The following OGDH variants were observed in gnomAD, a reference collection of about 807,000 sequenced individuals.
The protein encoded by OGDH is 2-oxoglutarate dehydrogenase complex component E1.
A neutral mutation model predicts 116.6 loss-of-function variants in OGDH; 38 were observed. The observed-to-expected ratio is 0.33, with a 90% CI of 0.25 to 0.43. The LOEUF is 0.43. Ranked by LOEUF, OGDH falls within the 20% of genes least tolerant of loss-of-function variation. The pLI is 1.00. For synonymous variants in OGDH, 488 were observed against 533.3 expected, an observed-to-expected ratio of 0.92 and a Z score of 1.17; for missense variants, 825 against 1,357.2, an observed-to-expected ratio of 0.61 and a Z score of 6.16.
chr7:44,623,341 G>C (rs1179165576), intron 1 of OGDH, among the ~76,000 whole-genome samples: 1 of 152,132 alleles, frequency 6.6e-6, no homozygotes, highest in Non-Finnish European at 1.5e-5. Flanking sequence ...CACCTCTCAA[G>C]TACTCATATT....
chr7:44,680,612 A>G (rs1418992165), intron 9 of OGDH, among the ~76,000 whole-genome samples: 1 of 152,166 alleles, frequency 6.6e-6, no homozygotes, highest in Non-Finnish European at 1.5e-5. Flanking sequence ...ATATGCACAC[A>G]TGTATTTTTT....
chr7:44,609,316 A>T (rs546886575), intron 1 of OGDH, among the ~76,000 whole-genome samples: 1 of 147,358 alleles, frequency 6.8e-6, no homozygotes, highest in Non-Finnish European at 1.5e-5. Context: ...GAGTCTGAGG[A>T]ACATAGTGAG....
chr7:44,674,741 G>A (rs1191090762), intron 7 of OGDH, 184 bp downstream of exon 7: 7 of 654,726 alleles, frequency 1.1e-5, no homozygotes, highest in Non-Finnish European at 1.8e-5. Context: ...GCCTCTGGAG[G>A]ACTGCAAAGT....
intron 10 of OGDH, among the ~76,000 whole-genome samples, chr7:44,689,392 C>CTTTTTTTTTT (rs561058807): frequency 2.5e-4 from 18 of 71,266 alleles, no homozygotes; most frequent in Non-Finnish European, 3.8e-4. Context: ...ATTTTTTTTT[C>CTTTTTTTTTT]TTTTTTTTTT....
At chr7:44,612,865 T>A (rs368594985) in intron 1 of OGDH, among the ~76,000 whole-genome samples, 1 of 147,368 alleles carries the variant, frequency 6.8e-6, no homozygotes, top group Non-Finnish European at 1.5e-5. Flanking sequence ...CTGGCTGTTT[T>A]TTTTCTTTTC....
intron 2 of OGDH, among the ~76,000 whole-genome samples, chr7:44,635,716 T>C (rs1417791584): frequency 6.6e-6 from 1 of 152,044 alleles, no homozygotes; most frequent in African/African-American, 2.4e-5. Flanking sequence ...AATTTTTTTT[T>C]TTTTTTCGAG....
At chr7:44,638,342 C>T (rs1785768336) in intron 2 of OGDH, among the ~76,000 whole-genome samples, 1 of 152,210 alleles carries the variant, frequency 6.6e-6, no homozygotes, top group African/African-American at 2.4e-5. Flanking sequence ...AAATACCACA[C>T]TTACTTCATA....
At chr7:44,672,679 A>G (rs368275824) in intron 5 of OGDH, among the ~76,000 whole-genome samples, 10 of 134,306 alleles carry the variant, frequency 7.4e-5, no homozygotes, top group South Asian at 4.6e-4. Context: ...GTCTCACTCT[A>G]TCGCCCAGGC....
chr7:44,666,903 G>A, intron 5 of OGDH, 52 bp downstream of exon 5: 1 of 1,114,626 alleles, frequency 9.0e-7, no homozygotes, highest in Non-Finnish European at 1.3e-6. Context: ...ACTTGTATTG[G>A]CAGGATGGCT....
chr7:44,700,956 G>A (rs938447792), intron 19 of OGDH, among the ~76,000 whole-genome samples: 2 of 152,304 alleles, frequency 1.3e-5, no homozygotes, highest in South Asian at 2.1e-4. Context: ...CCCGGGAGGC[G>A]GAGCTGGCAG....
chr7:44,631,375 A>G (rs903016828), intron 2 of OGDH, among the ~76,000 whole-genome samples: 2 of 152,152 alleles, frequency 1.3e-5, no homozygotes, highest in African/African-American at 4.8e-5. Flanking sequence ...TTGGGTTTCT[A>G]GTGTACCCAT....
rs1207538022 is a variant in OGDH at position 44,666,651 on chromosome 7, C to T, written c.518-85C>T. On this transcript the variant is annotated intron_variant, in intron 4 of 22. Transcript: ENST00000222673. ...CTCTTTTTGCTCACCTGGGGAGTTC[C>T]TTCCCCTTTCCATAAACTGTGGTCC... The T allele has an allele frequency of 1.1e-5, 7 of 609,494 alleles. No individual in the cohort carries two copies. The Admixed American group carries it at 1.6e-4, about 14-fold the overall frequency. 37.8% of individuals were successfully genotyped at this position (609,494 alleles called of 1,614,324 possible).
intron 1 of OGDH, among the ~76,000 whole-genome samples, chr7:44,610,893 C>T (rs781653945): frequency 1.1e-4 from 17 of 152,158 alleles, no homozygotes; most frequent in Admixed American, 2.0e-4. Flanking sequence ...CAGGCGTGAG[C>T]CACCGCGCTC....
chr7:44,699,816 C>A (rs1200416317), intron 18 of OGDH, among the ~76,000 whole-genome samples: 1 of 152,146 alleles, frequency 6.6e-6, no homozygotes, highest in Non-Finnish European at 1.5e-5. Flanking sequence ...AGGAAGCTTA[C>A]AATCATGACA....
intron 4 of OGDH, among the ~76,000 whole-genome samples, chr7:44,648,912 T>G (rs1786310325): frequency 1.3e-5 from 2 of 152,126 alleles, no homozygotes; most frequent in African/African-American, 4.8e-5. Context: ...GGTGACAACT[T>G]TGTGCTCCCA....
Position 44,694,975 on chromosome 7 carries a change from G to A in OGDH, c.1668+399G>A, listed in dbSNP as rs1474502554. ...GAAGGCCAAGCAGCTGCCCTAGAGAGGGAGAGGGTGGGTGTGAGGAGCTAT... is the reference window on the plus strand; with the variant it reads ...GAAGGCCAAGCAGCTGCCCTAGAGAAGGAGAGGGTGGGTGTGAGGAGCTAT... On this transcript the variant is annotated intron_variant, in intron 12 of 22. Transcript: ENST00000222673. The surrounding 1 kb of genome is among the most constrained non-coding windows in gnomAD (Gnocchi z 4.2). Among the ~76,000 whole-genome samples, 1 of 152,170 alleles carries A rather than the reference G, an allele frequency of 6.6e-6. No individual in the cohort carries two copies. The highest frequency in any genetic ancestry group is 2.1e-4 in the South Asian group (1 of 4,832).
intron 7 of OGDH, 75 bp from the exon 8 acceptor site, chr7:44,675,103 A>G (rs995701280): frequency 4.4e-6 from 5 of 1,148,614 alleles, no homozygotes; most frequent in Non-Finnish European, 6.5e-6. Context: ...GGAGGGGGGG[A>G]TTGTAACACC....
At chr7:44,610,843 G>A (rs747328127) in intron 1 of OGDH, among the ~76,000 whole-genome samples, 48 of 150,056 alleles carry the variant, frequency 3.2e-4, no homozygotes, top group African/African-American at 9.3e-4. Context: ...TCCTGACCTC[G>A]TGATCGACAC....
chr7:44,706,564 G>A (rs1384048221), intron 20 of OGDH, among the ~76,000 whole-genome samples: 1 of 149,610 alleles, frequency 6.7e-6, no homozygotes, highest in Non-Finnish European at 1.5e-5. Context: ...CAGGTGATCC[G>A]CCTGCCTCAG....
Sources: gnomAD v4.1 joint callset for allele counts (sites outside exome capture counted in the v4.1 genomes callset) on GRCh38, gnomAD v4.1.1 for gene constraint, Gnocchi (gnomAD v3.1) non-coding constraint, MANE v1.5 for transcripts, NCBI Gene and HGNC (gene_info 2026-07-23, HGNC 2026-07-21) for gene names.